PRKCZ: variants seen among roughly 807,000 people sequenced by gnomAD.
PRKCZ encodes protein kinase C zeta.
In PRKCZ, 33 loss-of-function variants were observed where a neutral mutation model predicts 79.5. The ratio of observed to expected loss-of-function variants is 0.41; its 90% CI spans 0.31 to 0.55. The LOEUF is 0.55. Among genes scored for constraint, PRKCZ ranks in the 20% least tolerant of loss-of-function variants. The probability of loss-of-function intolerance (pLI) is 0.19; values close to 1 mark genes in which losing one functional copy is unlikely to be tolerated. For synonymous variants in PRKCZ, 342 were observed against 320.9 expected, an observed-to-expected ratio of 1.07 and a Z score of -0.70; for missense variants, 578 against 813.5, an observed-to-expected ratio of 0.71 and a Z score of 3.52.
chr1:2,141,830 T>C, intron 5 of PRKCZ: 2 of 224,482 alleles, frequency 8.9e-6, no homozygotes, highest in South Asian at 4.6e-5. Flanking sequence ...TCTTCTGCGC[T>C]GTGGACGCGG....
In PRKCZ at chr1:2,172,079, C is replaced by T. The variant is rs1333374243; in HGVS notation, c.1086C>T (p.Ile362=). Residue 362 remains isoleucine (I), a synonymous_variant, in exon 12 of 18, where the codon ATC becomes ATT. Transcript: ENST00000378567. This position sits in a 1 kb window ranked among gnomAD's most constrained non-coding sequence, Gnocchi z 7.8. ...HARFYAAEIC[I]ALNFLHERGI... is the part of the protein sequence containing the mutation. Reference sequence around the variant, plus strand: ...GGTTCTACGCGGCCGAGATCTGCATCGCCCTCAACTTCCTGCACGAGAGGG... The same window carrying T: ...GGTTCTACGCGGCCGAGATCTGCATTGCCCTCAACTTCCTGCACGAGAGGG... 12 of 1,611,966 alleles carry T rather than the reference C, an allele frequency of 7.4e-6. 1 individual carries two copies. Among genetic ancestry groups the T allele is most frequent in the African/African-American group, 2.7e-5 (2 of 74,924 alleles).
At chr1:2,056,677 C>A in intron 3 of PRKCZ, 104 bp downstream of exon 3, 1 of 1,058,448 alleles carries the variant, frequency 9.4e-7, no homozygotes, top group Non-Finnish European at 1.3e-6. Context: ...TCCTATGATG[C>A]CAGAGAATTT....
chr1:2,114,093 C>T (rs781573487), intron 4 of PRKCZ, among the ~76,000 whole-genome samples: 1 of 152,070 alleles, frequency 6.6e-6, no homozygotes, highest in Non-Finnish European at 1.5e-5. Context: ...TGGAAGCGTT[C>T]GGAATGCTCA....
rs994553721 is a variant in PRKCZ, at chr1:2,128,221, T to G, written c.335-7041T>G. ...CATAGAAGGCACCTGGCTATCTGCATGTGGCTTGACCACTGCCTTGCACCC... is the reference window on the plus strand; with the variant it reads ...CATAGAAGGCACCTGGCTATCTGCAGGTGGCTTGACCACTGCCTTGCACCC... On this transcript the variant is annotated intron_variant, in intron 4 of 17. Coordinates refer to ENST00000378567, the MANE Select transcript of PRKCZ (RefSeq NM_002744.6). The surrounding 1 kb of genome is among the most constrained non-coding windows in gnomAD (Gnocchi z 6.5). 1.3e-5 allele frequency among the ~76,000 whole-genome samples: 2 copies of G among 152,246 alleles called. No individual in the cohort carries two copies. Among genetic ancestry groups the G allele is most frequent in the African/African-American group, 4.8e-5 (2 of 41,474 alleles).
chr1:2,161,102 T>C (rs1056591945), intron 10 of PRKCZ, among the ~76,000 whole-genome samples: 5 of 152,152 alleles, frequency 3.3e-5, no homozygotes, highest in Non-Finnish European at 5.9e-5. Flanking sequence ...GCTGGAGTCA[T>C]GGGAGCTCAG....
At chr1:2,113,896 G>T (rs1233607890) in intron 4 of PRKCZ, among the ~76,000 whole-genome samples, 1 of 152,110 alleles carries the variant, frequency 6.6e-6, no homozygotes, top group East Asian at 1.9e-4. Context: ...GTTTGAGGGA[G>T]GGGAGATGAT....
chr1:2,076,345 A>G (rs1279375500), intron 4 of PRKCZ, among the ~76,000 whole-genome samples: 3 of 152,204 alleles, frequency 2.0e-5, no homozygotes, highest in Non-Finnish European at 4.4e-5. Context: ...CCCTCACAGC[A>G]CAGGCTGGAC....
intron 4 of PRKCZ, among the ~76,000 whole-genome samples, chr1:2,064,105 C>T (rs1660929470): frequency 6.6e-6 from 1 of 152,210 alleles, no homozygotes; most frequent in South Asian, 2.1e-4. Context: ...CCTCGGCCTC[C>T]CAAAATGCTG....
chr1:2,084,351 G>C (rs930855052), intron 4 of PRKCZ, among the ~76,000 whole-genome samples: 1 of 152,314 alleles, frequency 6.6e-6, no homozygotes, highest in East Asian at 1.9e-4. Flanking sequence ...TCATGAGGGC[G>C]AGTGTGAAGA....
chr1:2,161,125 G>A (rs1682198819), intron 10 of PRKCZ, among the ~76,000 whole-genome samples: 1 of 152,224 alleles, frequency 6.6e-6, no homozygotes, highest in African/African-American at 2.4e-5. Flanking sequence ...CAGAAGGAGA[G>A]ATCCTGACTG....
chr1:2,166,683 C>G (rs1267684288), intron 10 of PRKCZ, among the ~76,000 whole-genome samples: 1 of 152,062 alleles, frequency 6.6e-6, no homozygotes, highest in African/African-American at 2.4e-5. Context: ...CAGCCCCCCC[C>G]AGGCCACGAC....
At chr1:2,181,655 CTT>C in intron 16 of PRKCZ, 1 of 336,082 alleles carries the variant, frequency 3.0e-6, no homozygotes, top group Non-Finnish European at 5.9e-6. Context: ...CTGAGGCAAT[CTT>C]GAGCCCTCGG....
chr1:2,154,579 T>A (rs1203624973), intron 9 of PRKCZ, among the ~76,000 whole-genome samples: 1 of 152,180 alleles, frequency 6.6e-6, no homozygotes, highest in Admixed American at 6.5e-5. Context: ...GTATCTGTAG[T>A]CCCAGCTCCT....
intron 4 of PRKCZ, among the ~76,000 whole-genome samples, chr1:2,086,957 G>A (rs1218639997): frequency 6.6e-6 from 1 of 152,222 alleles, no homozygotes; most frequent in Non-Finnish European, 1.5e-5. Context: ...TTGGAGAGCA[G>A]TTTCCAGAAG....
At chr1:2,096,427 G>C (rs1374778407) in intron 4 of PRKCZ, among the ~76,000 whole-genome samples, 1 of 152,142 alleles carries the variant, frequency 6.6e-6, no homozygotes, top group Admixed American at 6.5e-5. Context: ...TCTCTGGGCA[G>C]AGTTTCCCCA....
intron 4 of PRKCZ, chr1:2,074,221 C>A (rs562081690): frequency 1.3e-6 from 2 of 1,550,284 alleles, no homozygotes. Flanking sequence ...TGTGGAGGGA[C>A]CTTCTGAGCG....
chr1:2,129,398 G>A (rs572865502), intron 4 of PRKCZ, among the ~76,000 whole-genome samples: 3 of 152,192 alleles, frequency 2.0e-5, no homozygotes, highest in Non-Finnish European at 4.4e-5. Flanking sequence ...CAGAAAGCAC[G>A]GTCAGAAAGT....
At chr1:2,076,742 GA>G (rs59323031) in intron 4 of PRKCZ, among the ~76,000 whole-genome samples, 33,365 of 126,980 alleles carry the variant, frequency 0.26, 4,616 homozygotes, top group East Asian at 0.75. Context: ...ACTCCATCTT[GA>G]AAAAAAAAAA....
chr1:2,184,534 AGGGAT>A, intron 16 of PRKCZ, 44 bp from the exon 17 acceptor site: 1 of 1,411,234 alleles, frequency 7.1e-7, no homozygotes, highest in Non-Finnish European at 9.9e-7. Context: ...TCAATCTGGT[AGGGAT>A]GATGCCCGCG....
Sources: gnomAD v4.1 joint callset for allele counts (sites outside exome capture counted in the v4.1 genomes callset) on GRCh38, gnomAD v4.1.1 for gene constraint, Gnocchi (gnomAD v3.1) non-coding constraint, MANE v1.5 for transcripts, NCBI Gene and HGNC (gene_info 2026-07-23, HGNC 2026-07-21) for gene names.